The following HSPG2 variants were observed in gnomAD, a reference collection of about 807,000 sequenced individuals.
The protein encoded by HSPG2 is basement membrane-specific heparan sulfate proteoglycan core protein.
Under a neutral mutation model 526.6 loss-of-function variants are expected in HSPG2, and 278 were observed. The observed-to-expected ratio is 0.53, with a 90% CI of 0.48 to 0.58. The LOEUF (loss-of-function observed/expected upper bound fraction) is 0.58. HSPG2 is among the 20% of genes least tolerant of loss of function. HSPG2 has a pLI of 0.00. For synonymous variants in HSPG2, 2,465 were observed against 2,555.4 expected (o/e 0.96, Z 1.07); for missense variants, 5,354 against 6,099.5 (o/e 0.88, Z 4.07).
At chr1:21,919,586 A>G (rs1643975572) in intron 1 of HSPG2, among the ~76,000 whole-genome samples, 1 of 152,176 alleles carries the variant, frequency 6.6e-6, no homozygotes, top group African/African-American at 2.4e-5. Context: ...TGGAGTTTCT[A>G]TGGCAGTCAT....
intron 1 of HSPG2, among the ~76,000 whole-genome samples, chr1:21,917,772 C>T (rs1174766339): frequency 6.6e-6 from 1 of 152,174 alleles, no homozygotes; most frequent in Non-Finnish European, 1.5e-5. Context: ...CAATCACCAC[C>T]TCCACTCTAA....
Position 21,887,847 on chromosome 1 carries a change from T to C in HSPG2, c.703+91A>G. Reference sequence around the variant, plus strand: ...CCCATCCTCTGCCTGCACCAAACCCTCATAGTCCTTGATGGGCTCCAAGAC... The same window carrying C: ...CCCATCCTCTGCCTGCACCAAACCCCCATAGTCCTTGATGGGCTCCAAGAC... On this transcript the variant is annotated intron_variant, in intron 7 of 96. Coordinates refer to ENST00000374695, the MANE Select transcript of HSPG2 (RefSeq NM_005529.7). The surrounding 1 kb of genome is among the most constrained non-coding windows in gnomAD (Gnocchi z 5.0). The C allele has an allele frequency of 1.3e-6, 2 of 1,591,724 alleles. No individual in the cohort carries two copies. The highest frequency in any genetic ancestry group is 2.2e-5 in the South Asian group (2 of 90,602).
rs574665436 is a variant in HSPG2, at chr1:21,879,058, C to T, written c.2407G>A (p.Ala803Thr). ...CAGGAAGTGGCCGTGGCCTTCATGG[C>T]GTCCCCAAAGAAGCCAGCCTTGCAC... is the stretch of plus-strand genomic sequence containing the variant. ...NKCKAGFFGD[A>T]MKATATSCRP... The change falls in exon 18 of 97, where the codon GCC (alanine) becomes ACC (threonine). Residue 803 changes from alanine (A) to threonine (T), a missense_variant. Transcript: ENST00000374695. The T allele has an allele frequency of 2.1e-5, 34 of 1,614,226 alleles. No homozygotes were observed. The South Asian group carries it at 2.4e-4, about 11-fold the overall frequency.
chr1:21,834,657 A>G (rs2098019026), intron 77 of HSPG2, 22 bp downstream of exon 77: 1 of 1,613,464 alleles, frequency 6.2e-7, no homozygotes, highest in African/African-American at 1.3e-5. Context: ...GTCCCCCAAC[A>G]AAAGTCCCCA....
rs745476764 is a variant in HSPG2 at position 21,874,609 on chromosome 1, G to A, written c.3528+7C>T. On this transcript the variant is annotated splice_region_variant and intron_variant, in intron 27 of 96. Coordinates refer to ENST00000374695, the MANE Select transcript of HSPG2 (RefSeq NM_005529.7). ...GCTGGGGTGGGCGGAAGGAGGGCGG[G>A]ACTTACCTGGCAGGCACCTGTTTCT... The A allele has an allele frequency of 1.2e-6, 2 of 1,613,876 alleles. No homozygotes were observed. Among genetic ancestry groups the A allele is most frequent in the South Asian group, 1.1e-5 (1 of 91,042 alleles).
At chr1:21,924,337 A>AT (rs1368468668) in intron 1 of HSPG2, among the ~76,000 whole-genome samples, 1 of 152,194 alleles carries the variant, frequency 6.6e-6, no homozygotes, top group Non-Finnish European at 1.5e-5. Context: ...CTCGTAAGCT[A>AT]TAAGTGCCCA....
intron 64 of HSPG2, among the ~76,000 whole-genome samples, chr1:21,845,224 C>T (rs546037156): frequency 2.6e-5 from 4 of 152,146 alleles, no homozygotes; most frequent in Admixed American, 1.3e-4. Flanking sequence ...CCAGCCTGGG[C>T]GACAGAGCAA....
At position 21,887,186 on chromosome 1, in the gene HSPG2, G is replaced by A; in HGVS notation, c.1078+29C>T. 3 of 1,612,746 alleles carry A rather than the reference G, an allele frequency of 1.9e-6. No homozygotes were observed. The highest frequency in any genetic ancestry group is 2.5e-6 in the Non-Finnish European group (3 of 1,179,832). On this transcript the variant is annotated intron_variant, in intron 9 of 96. Coordinates refer to ENST00000374695, the MANE Select transcript of HSPG2 (RefSeq NM_005529.7). This position sits in a 1 kb window ranked among gnomAD's most constrained non-coding sequence, Gnocchi z 5.0. The stretch of plus-strand genomic sequence containing the variant: ...AGCAAGCGGCCTGGGCAGGGCAAGG[G>A]GGCCTCAGCTGGACCCTCGGATACT...
At chr1:21,880,296 G>C (rs1356680133) in intron 16 of HSPG2, 42 bp from the exon 17 acceptor site, 2 of 1,614,000 alleles carry the variant, frequency 1.2e-6, no homozygotes, top group Non-Finnish European at 1.7e-6. Flanking sequence ...AGGACGGTGA[G>C]GCCCTGCCGT....
intron 47 of HSPG2, 85 bp from the exon 48 acceptor site, chr1:21,855,068 G>A (rs1639228619): frequency 1.3e-6 from 2 of 1,533,684 alleles, no homozygotes; most frequent in East Asian, 4.5e-5. Context: ...AAAAGGGAGA[G>A]GCAGGTGCAG....
At chr1:21,855,951 G>A in intron 44 of HSPG2, 39 bp from the exon 45 acceptor site, 1 of 1,600,796 alleles carries the variant, frequency 6.2e-7, no homozygotes. Context: ...TCAGGGTGGG[G>A]AGTGTCGTCT....
chr1:21,894,679 A>C (rs1642618261), intron 3 of HSPG2, among the ~76,000 whole-genome samples: 1 of 152,092 alleles, frequency 6.6e-6, no homozygotes, highest in African/African-American at 2.4e-5. Context: ...GAGCTGCTGC[A>C]GTGGGCAGCC....
At chr1:21,881,225 C>T (rs940450655) in intron 14 of HSPG2, 114 bp downstream of exon 14, 28 of 1,258,580 alleles carry the variant, frequency 2.2e-5, no homozygotes, top group African/African-American at 1.0e-4. Context: ...GGGGCTGCAT[C>T]GGGGCATGGT....
At chr1:21,917,965 A>T (rs1190082477) in intron 1 of HSPG2, among the ~76,000 whole-genome samples, 1 of 152,028 alleles carries the variant, frequency 6.6e-6, no homozygotes, top group South Asian at 2.1e-4. Context: ...TCTTTTAAAC[A>T]TATGTATATA....
chr1:21,934,803 G>T (rs1056330423), intron 1 of HSPG2, among the ~76,000 whole-genome samples: 4 of 152,022 alleles, frequency 2.6e-5, no homozygotes, highest in African/African-American at 4.8e-5. Context: ...CACTATGCTG[G>T]CCAGGCTGAT....
At chr1:21,905,150 A>G (rs1643301587) in intron 1 of HSPG2, among the ~76,000 whole-genome samples, 1 of 147,654 alleles carries the variant, frequency 6.8e-6, no homozygotes, top group African/African-American at 2.5e-5. Flanking sequence ...TAATCTGTCT[A>G]CACACACACC....
intron 1 of HSPG2, among the ~76,000 whole-genome samples, chr1:21,932,873 T>G (rs571185412): frequency 6.6e-6 from 1 of 152,318 alleles, no homozygotes; most frequent in South Asian, 2.1e-4. Flanking sequence ...GGGACCAGCC[T>G]GGGCAATACA....
In HSPG2 at chr1:21,916,070, AG is replaced by A. The variant is rs371646993; in HGVS notation, c.64-19761del. On this transcript the variant is annotated intron_variant, in intron 1 of 96. Coordinates refer to ENST00000374695, the MANE Select transcript of HSPG2 (RefSeq NM_005529.7). ...CATCTCAAAAAAGAAAAGAAGAAGA[AG>A]AAAAAAAAAAAAAGGCCTGGCACGG... Among the ~76,000 whole-genome samples the A allele has an allele frequency of 6.3e-3, 491 of 78,532 alleles. 24 individuals carry two copies. Among genetic ancestry groups the A allele is most frequent in the South Asian group, 0.041 (90 of 2,188 alleles). 51.5% of individuals were successfully genotyped at this position (78,532 alleles called of 152,430 possible).
At chr1:21,908,522 G>T (rs1206931955) in intron 1 of HSPG2, 1 of 949,662 alleles carries the variant, frequency 1.1e-6, no homozygotes, top group African/African-American at 1.6e-5. Flanking sequence ...CACTTTGTGA[G>T]AACCAATGGG....
Sources: allele counts gnomAD v4.1 joint callset (sites outside exome capture counted in the v4.1 genomes callset), GRCh38; gene constraint gnomAD v4.1.1; non-coding constraint Gnocchi (gnomAD v3.1); transcripts MANE v1.5; gene names NCBI Gene and HGNC (gene_info 2026-07-23, HGNC 2026-07-21).